CNTNAP2: variants seen among roughly 807,000 people sequenced by gnomAD.
The protein encoded by CNTNAP2 is contactin associated protein 2.
CNTNAP2 carries 98 observed loss-of-function variants against 155.2 expected under a neutral mutation model. The ratio of observed to expected loss-of-function variants is 0.63; its 90% CI spans 0.54 to 0.75. The LOEUF (loss-of-function observed/expected upper bound fraction) is 0.75, where lower values mean the gene tolerates loss of function less well. CNTNAP2 is among the 30% of genes least tolerant of loss of function. CNTNAP2 has a pLI of 0.00. For synonymous variants in CNTNAP2, 651 were observed against 631.2 expected (o/e 1.03, Z -0.47); for missense variants, 1,727 against 1,688.1 (o/e 1.02, Z -0.40).
chr7:147,662,839 C>T (rs1316441231), intron 13 of CNTNAP2, among the ~76,000 whole-genome samples: 1 of 152,168 alleles, frequency 6.6e-6, no homozygotes, highest in African/African-American at 2.4e-5. Context: ...ATACAACCAA[C>T]GAAAGCCGAC....
At chr7:146,258,011 T>C (rs1024667513) in intron 1 of CNTNAP2, among the ~76,000 whole-genome samples, 5 of 151,986 alleles carry the variant, frequency 3.3e-5, no homozygotes, top group Non-Finnish European at 7.4e-5. Flanking sequence ...CTGTCTCAGC[T>C]TCCCAAGTAG....
At chr7:146,984,963 G>T (rs984874500) in intron 3 of CNTNAP2, among the ~76,000 whole-genome samples, 2 of 152,162 alleles carry the variant, frequency 1.3e-5, no homozygotes, top group African/African-American at 4.8e-5. Flanking sequence ...TTCAGCATCT[G>T]AGTGAAATAG....
intron 17 of CNTNAP2, among the ~76,000 whole-genome samples, chr7:148,167,870 G>A (rs1585163333): frequency 6.6e-6 from 1 of 152,254 alleles, no homozygotes; most frequent in East Asian, 1.9e-4. Context: ...GAAGCAGAGG[G>A]AGAAAACTCC....
chr7:146,150,606 G>A (rs983874110), intron 1 of CNTNAP2, among the ~76,000 whole-genome samples: 1 of 151,094 alleles, frequency 6.6e-6, no homozygotes, highest in African/African-American at 2.4e-5. Context: ...CACCTACATA[G>A]GGGCAATTTA....
Position 146,640,903 on chromosome 7 carries a change from A to G in CNTNAP2, c.98-133368A>G, listed in dbSNP as rs561025675. Among the ~76,000 whole-genome samples, 7 of 152,350 alleles carry G rather than the reference A, an allele frequency of 4.6e-5. No individual in the cohort carries two copies. The South Asian group carries it at 1.4e-3, about 32-fold the overall frequency. Reference sequence around the variant, plus strand: ...TGTGGAAAGAATAATAAACAAATGTAAGGAAGACAACATCTGCGAACAGGG... The same window carrying G: ...TGTGGAAAGAATAATAAACAAATGTGAGGAAGACAACATCTGCGAACAGGG... On this transcript the variant is annotated intron_variant, in intron 1 of 23. Transcript: ENST00000361727.
chr7:147,498,955 A>AT (rs1239274556), intron 11 of CNTNAP2, among the ~76,000 whole-genome samples: 1 of 152,116 alleles, frequency 6.6e-6, no homozygotes, highest in Non-Finnish European at 1.5e-5. Flanking sequence ...AATAAAAAAA[A>AT]AATTAATCTG....
At chr7:146,746,941 G>A (rs1308627992) in intron 1 of CNTNAP2, among the ~76,000 whole-genome samples, 1 of 152,024 alleles carries the variant, frequency 6.6e-6, no homozygotes, top group Non-Finnish European at 1.5e-5. Flanking sequence ...CATATTTGGG[G>A]ATATTTCTGT....
intron 21 of CNTNAP2, among the ~76,000 whole-genome samples, chr7:148,280,114 G>A (rs950357900): frequency 6.6e-6 from 1 of 151,964 alleles, no homozygotes; most frequent in African/African-American, 2.4e-5. Context: ...TTCGAGACCA[G>A]CCTGGCCAAC....
At chr7:148,356,346 A>G (rs1456363341) in intron 21 of CNTNAP2, among the ~76,000 whole-genome samples, 2 of 152,208 alleles carry the variant, frequency 1.3e-5, no homozygotes, top group Non-Finnish European at 2.9e-5. Context: ...AATTAAGAGA[A>G]GGGTGTTATA....
chr7:147,132,650 A>G, intron 8 of CNTNAP2, 141 bp downstream of exon 8: 1 of 1,160,394 alleles, frequency 8.6e-7, no homozygotes, highest in South Asian at 1.3e-5. Flanking sequence ...ACTTGGTTGT[A>G]GTGTGTGCTG....
At chr7:146,705,810 C>G (rs1213268358) in intron 1 of CNTNAP2, among the ~76,000 whole-genome samples, 1 of 152,108 alleles carries the variant, frequency 6.6e-6, no homozygotes, top group East Asian at 1.9e-4. Context: ...TTATCTCCAC[C>G]TGGCCTCGCA....
chr7:146,752,193 A>T (rs1405296059), intron 1 of CNTNAP2, among the ~76,000 whole-genome samples: 1 of 152,146 alleles, frequency 6.6e-6, no homozygotes, highest in Non-Finnish European at 1.5e-5. Context: ...TCCTTGAGGA[A>T]TTGCCACACT....
chr7:146,564,739 A>G (rs781061674), intron 1 of CNTNAP2, among the ~76,000 whole-genome samples: 1 of 151,686 alleles, frequency 6.6e-6, no homozygotes, highest in Non-Finnish European at 1.5e-5. Context: ...AGATTTTCAC[A>G]GTCTGATTGT....
intron 1 of CNTNAP2, among the ~76,000 whole-genome samples, chr7:146,215,655 T>G (rs774126220): frequency 1.3e-5 from 2 of 151,948 alleles, no homozygotes; most frequent in African/African-American, 2.4e-5. Flanking sequence ...TGGAAAGAAC[T>G]TTGTAAAATT....
chr7:147,347,441 C>T (rs1281353911), intron 9 of CNTNAP2, among the ~76,000 whole-genome samples: 4 of 56,554 alleles, frequency 7.1e-5, no homozygotes, highest in African/African-American at 9.4e-5. Flanking sequence ...TATATATATG[C>T]ATATATATAT....
intron 15 of CNTNAP2, among the ~76,000 whole-genome samples, chr7:148,097,720 T>C (rs1402785129): frequency 6.6e-6 from 1 of 152,210 alleles, no homozygotes; most frequent in Non-Finnish European, 1.5e-5. Context: ...TAGCGGTCTT[T>C]TGAAGCCCTC....
chr7:146,389,221 A>T (rs1212877024), intron 1 of CNTNAP2, among the ~76,000 whole-genome samples: 1 of 92,458 alleles, frequency 1.1e-5, no homozygotes, highest in African/African-American at 4.5e-5. Flanking sequence ...TGTAGGAAAT[A>T]GTCACACACA....
At chr7:147,121,247 T>C in intron 6 of CNTNAP2, 84 bp downstream of exon 6, 3 of 1,301,276 alleles carry the variant, frequency 2.3e-6, no homozygotes, top group Non-Finnish European at 3.3e-6. Context: ...GTTAATTATA[T>C]TACTACTTAC....
At chr7:146,423,636 G>C (rs1323169419) in intron 1 of CNTNAP2, among the ~76,000 whole-genome samples, 2 of 152,194 alleles carry the variant, frequency 1.3e-5, no homozygotes, top group Non-Finnish European at 2.9e-5. Flanking sequence ...GGAATGTCCA[G>C]AAGCCTTGTC....
Sources: gnomAD v4.1 joint callset for allele counts (sites outside exome capture counted in the v4.1 genomes callset) on GRCh38, gnomAD v4.1.1 for gene constraint, MANE v1.5 for transcripts, NCBI Gene and HGNC (gene_info 2026-07-23, HGNC 2026-07-21) for gene names.